The following CYP20A1 variants were observed in gnomAD, a reference collection of about 807,000 sequenced individuals.
CYP20A1 encodes the protein cytochrome P450 20A1.
In CYP20A1, 61 loss-of-function variants were observed where a neutral mutation model predicts 61.4. The observed-to-expected ratio is 0.99, with a 90% CI of 0.81 to 1.23. The LOEUF (loss-of-function observed/expected upper bound fraction) is 1.23. Ranked by LOEUF, CYP20A1 falls within the 50% of genes most tolerant of loss-of-function variation. The pLI, the probability that CYP20A1 is intolerant of heterozygous loss-of-function variation, is 0.00. For missense variants in CYP20A1, 530 were observed against 542.4 expected (o/e 0.98, Z 0.23); for synonymous variants, 193 against 188.2 (o/e 1.03, Z -0.21).
At chr2:203,253,361 TC>T (rs1349446734) in intron 4 of CYP20A1, among the ~76,000 whole-genome samples, 2 of 152,108 alleles carry the variant, frequency 1.3e-5, no homozygotes, top group Non-Finnish European at 2.9e-5. Flanking sequence ...GTGACAGGTC[TC>T]CCCTGGCCCA....
chr2:203,262,530 C>T (rs1386779733), intron 4 of CYP20A1, among the ~76,000 whole-genome samples: 1 of 151,854 alleles, frequency 6.6e-6, no homozygotes, highest in Non-Finnish European at 1.5e-5. Context: ...TTCCTTCCTT[C>T]TGCTTTCATT....
chr2:203,269,040 A>G (rs899514031), intron 5 of CYP20A1, among the ~76,000 whole-genome samples: 2 of 152,210 alleles, frequency 1.3e-5, no homozygotes, highest in Admixed American at 6.6e-5. Context: ...TGCATATTGT[A>G]TGTCCTAACT....
At chr2:203,249,650 G>A (rs1240818036) in intron 3 of CYP20A1, among the ~76,000 whole-genome samples, 1 of 152,048 alleles carries the variant, frequency 6.6e-6, no homozygotes, top group East Asian at 1.9e-4. Context: ...TTCGAGACCA[G>A]CCTGGCCAAC....
intron 3 of CYP20A1, among the ~76,000 whole-genome samples, chr2:203,248,913 GT>G (rs2066559916): frequency 6.6e-6 from 1 of 152,074 alleles, no homozygotes; most frequent in African/African-American, 2.4e-5. Context: ...GTCTTGCTAC[GT>G]TGCCCAGGCT....
chr2:203,291,229 G>A (rs1302649390), intron 10 of CYP20A1, among the ~76,000 whole-genome samples: 1 of 151,906 alleles, frequency 6.6e-6, no homozygotes, highest in African/African-American at 2.4e-5. Context: ...TAAAGACAGA[G>A]TCTCACTATG....
intron 4 of CYP20A1, among the ~76,000 whole-genome samples, chr2:203,262,402 C>T (rs1304886751): frequency 6.6e-6 from 1 of 151,988 alleles, no homozygotes; most frequent in South Asian, 2.1e-4. Flanking sequence ...ATTTATAGGT[C>T]GGGGCAATAC....
intron 9 of CYP20A1, among the ~76,000 whole-genome samples, chr2:203,289,175 G>C (rs1311260617): frequency 6.6e-6 from 1 of 152,062 alleles, no homozygotes; most frequent in Non-Finnish European, 1.5e-5. Flanking sequence ...CAATCTTTAA[G>C]TTGTTAATTA....
At chr2:203,295,363 C>A (rs557208174) in intron 11 of CYP20A1, among the ~76,000 whole-genome samples, 1 of 152,236 alleles carries the variant, frequency 6.6e-6, no homozygotes, top group East Asian at 1.9e-4. Context: ...GCGTGAGCCA[C>A]TGTGTCCAGC....
chr2:203,288,716 C>G (rs2068406736), intron 9 of CYP20A1, among the ~76,000 whole-genome samples: 1 of 152,040 alleles, frequency 6.6e-6, no homozygotes, highest in Non-Finnish European at 1.5e-5. Flanking sequence ...CTAATATTTC[C>G]AAATATTTCT....
chr2:203,292,169 A>T (rs2068564804), intron 10 of CYP20A1, 93 bp from the exon 11 acceptor site: 2 of 698,408 alleles, frequency 2.9e-6, no homozygotes, highest in Admixed American at 2.3e-5. Context: ...TGTATTCAAT[A>T]TCTATATTAA....
At chr2:203,278,485 A>G (rs1021796719) in intron 6 of CYP20A1, 88 bp from the exon 7 acceptor site, 9 of 524,896 alleles carry the variant, frequency 1.7e-5, no homozygotes, top group Non-Finnish European at 3.0e-5. Flanking sequence ...GGTTTTCTTC[A>G]TATAGTAACA....
At chr2:203,249,831 C>T (rs757428259) in intron 3 of CYP20A1, among the ~76,000 whole-genome samples, 2 of 151,736 alleles carry the variant, frequency 1.3e-5, no homozygotes, top group Non-Finnish European at 2.9e-5. Flanking sequence ...GATGACAGAT[C>T]GAGACTCCAT....
At chr2:203,290,141 A>G (rs1172205586) in intron 10 of CYP20A1, among the ~76,000 whole-genome samples, 1 of 152,096 alleles carries the variant, frequency 6.6e-6, no homozygotes, top group East Asian at 1.9e-4. Context: ...GGGTTTCACC[A>G]TCTTGGCCAA....
intron 1 of CYP20A1, among the ~76,000 whole-genome samples, chr2:203,240,980 C>T (rs930728413): frequency 2.6e-5 from 4 of 152,296 alleles, no homozygotes; most frequent in African/African-American, 9.6e-5. Context: ...AGGATGGAAG[C>T]AAGCCAAGTA....
intron 6 of CYP20A1, among the ~76,000 whole-genome samples, chr2:203,277,484 ATC>A (rs2067872031): frequency 6.6e-6 from 1 of 151,990 alleles, no homozygotes; most frequent in African/African-American, 2.4e-5. Flanking sequence ...AGTTATTGAT[ATC>A]TTTTAGGTTT....
chr2:203,281,175 A>G (rs941725465), intron 8 of CYP20A1, among the ~76,000 whole-genome samples: 4 of 152,204 alleles, frequency 2.6e-5, no homozygotes, highest in African/African-American at 9.7e-5. Context: ...AAATACTTCA[A>G]TAGGCATAAA....
chr2:203,253,646 A>G (rs1303962474), intron 4 of CYP20A1, among the ~76,000 whole-genome samples: 4 of 152,234 alleles, frequency 2.6e-5, no homozygotes, highest in Non-Finnish European at 5.9e-5. Flanking sequence ...CATAATCTAT[A>G]GCATAACATA....
chr2:203,260,709 A>G (rs2067102468), intron 4 of CYP20A1, among the ~76,000 whole-genome samples: 1 of 152,120 alleles, frequency 6.6e-6, no homozygotes, highest in Non-Finnish European at 1.5e-5. Context: ...TTTTTGGTAG[A>G]GAGAGGGTCT....
chr2:203,257,056 T>C (rs1011825210), intron 4 of CYP20A1, among the ~76,000 whole-genome samples: 3 of 152,002 alleles, frequency 2.0e-5, no homozygotes, highest in East Asian at 3.9e-4. Context: ...TCACATACAG[T>C]TGGGGTCTCA....
Sources: allele counts gnomAD v4.1 joint callset (sites outside exome capture counted in the v4.1 genomes callset), GRCh38; gene constraint gnomAD v4.1.1; transcripts MANE v1.5; gene names NCBI Gene and HGNC (gene_info 2026-07-23, HGNC 2026-07-21).